Variants in GGA2 observed in about 807,000 individuals in gnomAD.
GGA2 encodes the protein ADP-ribosylation factor-binding protein GGA2.
A neutral mutation model predicts 79.5 loss-of-function variants in GGA2; 48 were observed. The ratio of observed to expected loss-of-function variants is 0.60; its 90% confidence interval spans 0.48 to 0.77. The LOEUF (loss-of-function observed/expected upper bound fraction) is 0.77, where lower values mean the gene tolerates loss of function less well. GGA2 is among the 30% of genes least tolerant of loss of function. GGA2 has a pLI of 0.00. For synonymous variants in GGA2, 317 were observed against 302.0 expected, an observed-to-expected ratio of 1.05 and a Z score of -0.51; for missense variants, 770 against 774.0, an observed-to-expected ratio of 0.99 and a Z score of 0.06.
intron 1 of GGA2, among the ~76,000 whole-genome samples, chr16:23,508,083 G>A (rs1034889013): frequency 6.9e-6 from 1 of 145,650 alleles, no homozygotes; most frequent in Non-Finnish European, 1.5e-5. Flanking sequence ...TTTTTTTTGA[G>A]ACAGAATCTC....
Position 23,465,667 on chromosome 16 carries a change from G to A in GGA2, c.*1923C>T. On this transcript the variant is annotated 3_prime_UTR_variant, in exon 17 of 17. Coordinates refer to ENST00000309859, the MANE Select transcript of GGA2 (RefSeq NM_015044.4). ...TATAAAAGCTACACAGAGGCCGGGT[G>A]CGGTGGCTCACGCCTGTAATCCCAG... The A allele has an allele frequency of 2.2e-6, 1 of 454,468 alleles. No homozygotes were observed. Among genetic ancestry groups the A allele is most frequent in the Admixed American group, 3.8e-5 (1 of 26,030 alleles). 28.2% of individuals were successfully genotyped at this position (454,468 alleles called of 1,614,324 possible). A position where few individuals can be genotyped will look rare whatever the true frequency, so the allele number is the denominator to read the frequency against.
Position 23,510,440 on chromosome 16 carries a change from G to C in GGA2, c.-29C>G, listed in dbSNP as rs750614316. 2.2e-5 allele frequency: 20 copies of C among 915,022 alleles called. No homozygotes were observed. Among genetic ancestry groups the C allele is most frequent in the Admixed American group, 4.3e-5 (1 of 23,418 alleles). 56.7% of individuals were successfully genotyped at this position (915,022 alleles called of 1,614,324 possible). The stretch of plus-strand genomic sequence containing the variant: ...TCCAGCCCCGACGCTGCGGCCGCGG[G>C]CGCCACTGCCTCTTCAGCCGCTGTA... On this transcript the variant is annotated 5_prime_UTR_variant, in exon 1 of 17. Coordinates refer to ENST00000309859, the MANE Select transcript of GGA2 (RefSeq NM_015044.4).
At chr16:23,480,846 A>G (rs979666986) in intron 9 of GGA2, 76 bp from the exon 10 acceptor site, 45 of 1,424,396 alleles carry the variant, frequency 3.2e-5, no homozygotes, top group Non-Finnish European at 4.2e-5. Context: ...CTTTTCCATA[A>G]AACAGCCTTC....
chr16:23,492,227 G>T (rs1329592386), intron 4 of GGA2, among the ~76,000 whole-genome samples: 2 of 152,210 alleles, frequency 1.3e-5, no homozygotes, highest in Admixed American at 1.3e-4. Flanking sequence ...ATGACTTACA[G>T]TGAGTGCCTA....
chr16:23,509,843 C>T (rs1001070007), intron 1 of GGA2, among the ~76,000 whole-genome samples: 2 of 151,346 alleles, frequency 1.3e-5, no homozygotes, highest in Non-Finnish European at 2.9e-5. Flanking sequence ...TTCTTTTTGA[C>T]GCGGTAGCCA....
chr16:23,521,790 C>T (rs62031460), intron 1 of GGA2: 33,377 of 453,750 alleles, frequency 0.074, 1,671 homozygotes, highest in Non-Finnish European at 0.11. Flanking sequence ...TAAAAACACT[C>T]ACTTGACCAT....
intron 15 of GGA2, 81 bp from the exon 16 acceptor site, chr16:23,469,077 C>T (rs1964477189): frequency 1.2e-6 from 1 of 863,402 alleles, no homozygotes; most frequent in Non-Finnish European, 2.0e-6. Context: ...GGGAGCTGGA[C>T]CTCCCCAACA....
At chr16:23,469,858 A>G in intron 15 of GGA2, 138 bp downstream of exon 15, 1 of 574,588 alleles carries the variant, frequency 1.7e-6, no homozygotes, top group Non-Finnish European at 2.9e-6. Context: ...CAGTCAGGTA[A>G]GCCATTACAT....
At chr16:23,487,220 T>A (rs1039823705) in intron 6 of GGA2, among the ~76,000 whole-genome samples, 5 of 152,114 alleles carry the variant, frequency 3.3e-5, no homozygotes, top group Admixed American at 6.5e-5. Context: ...GACCTCGTGA[T>A]CCACCCACCT....
chr16:23,479,770 G>A lies in GGA2; in HGVS notation c.1124C>T (p.Ala375Val), dbSNP rs1304271551. The A allele has an allele frequency of 6.2e-7, 1 of 1,613,856 alleles. No homozygotes were observed. The highest frequency in any genetic ancestry group is 2.2e-5 in the East Asian group (1 of 44,880). Residue 375 changes from alanine (A) to valine (V), a missense_variant, in exon 11 of 17, where the codon GCC becomes GTC. Physicochemically the swap from Ala to Val is moderately conservative, Grantham distance 64. Coordinates refer to ENST00000309859, the MANE Select transcript of GGA2 (RefSeq NM_015044.4). ...VPSLLHQDLA[A>V]LGISDAPVTG... The stretch of plus-strand genomic sequence containing the variant: ...CCACAAGCACCTGCCCTCACCCAAG[G>A]CTGCCAGGTCCTGATGAAGCAAAGA...
At chr16:23,478,223 G>GACAAAAAAAAAAAAAAAAAAAAAAAAA in intron 13 of GGA2, 145 bp downstream of exon 13, 1 of 554,760 alleles carries the variant, frequency 1.8e-6, no homozygotes, top group East Asian at 3.2e-5. Flanking sequence ...AAGAAAAAAA[G>GACAAAAAAAAAAAAAAAAAAAAAAAAA]ACAAAAAAAA....
At position 23,471,055 on chromosome 16, in the gene GGA2, G is replaced by A. The variant is rs571291415; in HGVS notation, c.1451-890C>T. Among the ~76,000 whole-genome samples, 3 of 151,926 alleles carry A rather than the reference G, an allele frequency of 2.0e-5. No individual in the cohort carries two copies. The East Asian group carries it at 5.9e-4, about 30-fold the overall frequency. On this transcript the variant is annotated intron_variant, in intron 14 of 16. Transcript: ENST00000309859. ...ATGTTGGTCAGGCTGGGGGAGGTCA[G>A]GCCTCAAACTCCCGACCTCAGGTGA... is the stretch of plus-strand genomic sequence containing the variant.
rs746109268 is a variant in GGA2 at position 23,491,634 on chromosome 16, G to A, written c.475+43C>T. 1.9e-5 allele frequency: 30 copies of A among 1,595,418 alleles called. No homozygotes were observed. In the South Asian group the frequency reaches 3.1e-4, roughly 16 times the overall value. ...GCAGATGAAAAAGCAAGAAGATACA[G>A]GCCTAGTCAAGAGGAAATAAGACAC... is the stretch of plus-strand genomic sequence containing the variant. On this transcript the variant is annotated intron_variant, in intron 5 of 16. Transcript: ENST00000309859.
At chr16:23,511,016 C>CGT (rs145140640), upstream of GGA2, among the ~76,000 whole-genome samples, 1,269 of 28,854 alleles carry the variant, frequency 0.044, 445 homozygotes, top group East Asian at 0.073. Flanking sequence ...TGGGTTTCAC[C>CGT]GTGTGTGTGT....
intron 14 of GGA2, 96 bp from the exon 15 acceptor site, chr16:23,470,261 T>C: frequency 1.1e-6 from 1 of 903,560 alleles, no homozygotes; most frequent in Non-Finnish European, 1.6e-6. Flanking sequence ...CCAGATGCTG[T>C]TGCTTCTCCA....
At chr16:23,487,713 A>C (rs1363243321) in intron 6 of GGA2, among the ~76,000 whole-genome samples, 1 of 151,954 alleles carries the variant, frequency 6.6e-6, no homozygotes, top group Non-Finnish European at 1.5e-5. Flanking sequence ...CTGCAAACCT[A>C]AGGCACCAAG....
chr16:23,468,602 C>A (rs1304376680), intron 16 of GGA2, among the ~76,000 whole-genome samples: 1 of 151,432 alleles, frequency 6.6e-6, no homozygotes, highest in Non-Finnish European at 1.5e-5. Context: ...GCCTCCTGAG[C>A]AGCTAGGACT....
chr16:23,467,567 T>C lies in GGA2; in HGVS notation c.*23A>G. The C allele has an allele frequency of 4.3e-6, 5 of 1,150,376 alleles. No individual in the cohort carries two copies. Among genetic ancestry groups the C allele is most frequent in the Non-Finnish European group, 6.6e-6 (5 of 759,250 alleles). 71.3% of individuals were successfully genotyped at this position (1,150,376 alleles called of 1,614,324 possible). A position where few individuals can be genotyped will look rare whatever the true frequency, so the allele number is the denominator to read the frequency against. On this transcript the variant is annotated 3_prime_UTR_variant, in exon 17 of 17. Coordinates refer to ENST00000309859, the MANE Select transcript of GGA2 (RefSeq NM_015044.4). ...AAGTAACGCCAGCCTAAGCTTGAAA[T>C]GAAGGGTCCATCTTGTGAAAAGTTA...
At chr16:23,490,174 T>G (rs1438016348) in intron 5 of GGA2, among the ~76,000 whole-genome samples, 1 of 152,124 alleles carries the variant, frequency 6.6e-6, no homozygotes, top group Non-Finnish European at 1.5e-5. Flanking sequence ...TGAAGAAAAC[T>G]AACAAACTAG....
Sources: gnomAD v4.1 joint callset for allele counts (sites outside exome capture counted in the v4.1 genomes callset) on GRCh38, gnomAD v4.1.1 for gene constraint, MANE v1.5 for transcripts, NCBI Gene and HGNC (gene_info 2026-07-23, HGNC 2026-07-21) for gene names.